The following RNF10 variants were observed in gnomAD, a reference collection of about 807,000 sequenced individuals.
RNF10 encodes ring finger protein 10, also known as E3 ubiquitin-protein ligase RNF10.
A neutral mutation model predicts 91.4 loss-of-function variants in RNF10; 38 were observed. The observed-to-expected ratio is 0.42, with a 90% CI of 0.32 to 0.54. The LOEUF is 0.54. Among genes scored for constraint, RNF10 ranks in the 20% least tolerant of loss-of-function variants. RNF10 has a pLI of 0.16. For missense variants in RNF10, 945 were observed against 1,012.0 expected, an observed-to-expected ratio of 0.93 and a Z score of 0.90; for synonymous variants, 364 against 366.3, an observed-to-expected ratio of 0.99 and a Z score of 0.07.
rs187223741 is a variant in RNF10, at chr12:120,573,487, C to T, written c.2143-2144C>T. Among the ~76,000 whole-genome samples the T allele has an allele frequency of 1.7e-4, 26 of 152,146 alleles. No individual in the cohort carries two copies. The East Asian group carries it at 3.1e-3, about 18-fold the overall frequency. The stretch of plus-strand genomic sequence containing the variant: ...TAAGACATAGGTGACATTTTGATTA[C>T]CTTTTAAGAGTAAAACAATTCACAT... On this transcript the variant is annotated intron_variant, in intron 14 of 16. Coordinates refer to ENST00000325954, the MANE Select transcript of RNF10 (RefSeq NM_014868.5).
At chr12:120,560,530 T>C (rs3817302) in intron 6 of RNF10, among the ~76,000 whole-genome samples, 196 bp from the exon 7 acceptor site, 71 of 152,238 alleles carry the variant, frequency 4.7e-4, no homozygotes, top group East Asian at 3.1e-3. Flanking sequence ...CATCTCTGGG[T>C]TTCTTAGATT....
chr12:120,555,345 C>T (rs1565955912), intron 4 of RNF10, among the ~76,000 whole-genome samples: 2 of 151,842 alleles, frequency 1.3e-5, no homozygotes, highest in Non-Finnish European at 2.9e-5. Context: ...CCACGCCTGG[C>T]TAATTTTTGT....
chr12:120,554,670 T>C (rs201909932), intron 3 of RNF10, 48 bp from the exon 4 acceptor site: 3 of 1,400,716 alleles, frequency 2.1e-6, no homozygotes, highest in East Asian at 4.6e-5. Flanking sequence ...TGAGGGTTTA[T>C]TGGTAGATCC....
chr12:120,567,687 C>G (rs1312324372), intron 13 of RNF10, among the ~76,000 whole-genome samples: 14 of 132,836 alleles, frequency 1.1e-4, no homozygotes, highest in African/African-American at 3.5e-4. Flanking sequence ...GGCGACAGAG[C>G]GAGACTTTGT....
intron 14 of RNF10, among the ~76,000 whole-genome samples, 157 bp downstream of exon 14, chr12:120,571,448 G>A (rs975086635): frequency 6.6e-6 from 1 of 152,118 alleles, no homozygotes; most frequent in African/African-American, 2.4e-5. Context: ...ACTGCCTGTC[G>A]GAGCTTTATG....
rs996714456 is a variant in RNF10, at chr12:120,564,032, C to T, written c.1665+89C>T. The T allele has an allele frequency of 5.6e-6, 8 of 1,426,904 alleles. No individual in the cohort carries two copies. The African/African-American group carries it at 7.1e-5, about 13-fold the overall frequency. 88.4% of individuals were successfully genotyped at this position (1,426,904 alleles called of 1,614,324 possible). ...GCCTAGCCATCCTAAGTTCACAAAC[C>T]TTCAAGGCCTTTAGTTTTTGTATTT... On this transcript the variant is annotated intron_variant, in intron 10 of 16. Coordinates refer to ENST00000325954, the MANE Select transcript of RNF10 (RefSeq NM_014868.5).
At chr12:120,539,541 C>G in intron 1 of RNF10, 1 of 615,324 alleles carries the variant, frequency 1.6e-6, no homozygotes, top group Non-Finnish European at 2.7e-6. Context: ...GACCTCTAGG[C>G]CGAGCCACCT....
Position 120,575,860 on chromosome 12 carries a change from C to G in RNF10, c.2269C>G (p.Pro757Ala). Residue 757 changes from proline to alanine, a missense_variant, in exon 16 of 17, where the codon CCT (proline) becomes GCT (alanine). By Grantham distance (27) the Pro-to-Ala change is conservative. Coordinates refer to ENST00000325954, the MANE Select transcript of RNF10 (RefSeq NM_014868.5). ...GGAGAGTGATAATTCAGACCGTGTT[C>G]CTGTGCCCAGTTTTCAAAATTCCTT... ...DGESDNSDRV[P>A]VPSFQNSFSQ... The G allele has an allele frequency of 1.2e-6, 2 of 1,614,200 alleles. No homozygotes were observed. The highest frequency in any genetic ancestry group is 8.5e-7 in the Non-Finnish European group (1 of 1,180,026).
chr12:120,551,908 G>T (rs946597791), intron 2 of RNF10, among the ~76,000 whole-genome samples: 1 of 152,090 alleles, frequency 6.6e-6, no homozygotes, highest in Non-Finnish European at 1.5e-5. Flanking sequence ...AGTTCTGCAG[G>T]CTGTACAGGA....
intron 8 of RNF10, 21 bp from the exon 9 acceptor site, chr12:120,563,326 A>G: frequency 1.9e-6 from 3 of 1,595,008 alleles, no homozygotes; most frequent in Non-Finnish European, 2.6e-6. Context: ...CTTTCTGTTG[A>G]CTTAGAGTTT....
intron 1 of RNF10, among the ~76,000 whole-genome samples, chr12:120,536,108 C>T (rs541725347): frequency 6.6e-6 from 1 of 152,206 alleles, no homozygotes; most frequent in South Asian, 2.1e-4. Flanking sequence ...CAGTTTAAAA[C>T]TTGTCAAGAT....
At chr12:120,563,705 T>G (rs1875258342) in intron 9 of RNF10, 82 bp downstream of exon 9, 2 of 1,576,102 alleles carry the variant, frequency 1.3e-6, no homozygotes, top group African/African-American at 1.3e-5. Flanking sequence ...GGAGCGCCAC[T>G]AGATCCTGTG....
intron 10 of RNF10, among the ~76,000 whole-genome samples, 178 bp from the exon 11 acceptor site, chr12:120,564,894 C>T (rs181953705): frequency 2.0e-5 from 3 of 152,322 alleles, no homozygotes; most frequent in Admixed American, 2.0e-4. Flanking sequence ...GCTTATTCCA[C>T]CTTGCTGTAG....
At position 120,563,570 on chromosome 12, in the gene RNF10, C is replaced by G; in HGVS notation, c.1478C>G (p.Thr493Ser). Residue 493 changes from threonine (T) to serine (S), a missense_variant, in exon 9 of 17, where the codon ACC (threonine) becomes AGC (serine). Coordinates refer to ENST00000325954, the MANE Select transcript of RNF10 (RefSeq NM_014868.5). The part of the protein sequence containing the change: ...CTESSQQEPI[T>S]KSGFTRLSSS... The stretch of plus-strand genomic sequence containing the variant: ...GAGTCCAGCCAGCAGGAACCCATCA[C>G]CAAGTCAGGCTTCACACGCCTCAGC... 1 of 1,613,394 alleles carries G rather than the reference C, an allele frequency of 6.2e-7. No individual in the cohort carries two copies. Among genetic ancestry groups the G allele is most frequent in the Non-Finnish European group, 8.5e-7 (1 of 1,179,626 alleles).
intron 2 of RNF10, among the ~76,000 whole-genome samples, chr12:120,549,483 T>C (rs1197749381): frequency 6.6e-6 from 1 of 151,954 alleles, no homozygotes; most frequent in Admixed American, 6.6e-5. Flanking sequence ...ACAGCAGATA[T>C]ATGAAGAAGT....
intron 14 of RNF10, among the ~76,000 whole-genome samples, chr12:120,571,826 A>AT (rs745702060): frequency 2.0e-5 from 3 of 152,108 alleles, no homozygotes; most frequent in Non-Finnish European, 4.4e-5. Flanking sequence ...AGAGGGGAAG[A>AT]TTGTCTTGGT....
intron 1 of RNF10, among the ~76,000 whole-genome samples, chr12:120,539,057 G>A (rs745662966): frequency 5.2e-4 from 79 of 152,234 alleles, no homozygotes; most frequent in South Asian, 8.3e-4. Context: ...TGACAGGAAC[G>A]CTTTGGATTT....
At chr12:120,567,022 C>T (rs572334710) in intron 13 of RNF10, 42 bp downstream of exon 13, 1 of 1,574,492 alleles carries the variant, frequency 6.4e-7, no homozygotes, top group South Asian at 1.2e-5. Flanking sequence ...TCAGTTAGAC[C>T]TTATGCAAAG....
At chr12:120,535,313 A>T in intron 1 of RNF10, 1 of 197,140 alleles carries the variant, frequency 5.1e-6, no homozygotes, top group Non-Finnish European at 1.0e-5. Context: ...TCCTAAAACC[A>T]CTAAGTTGTT....
Sources: allele counts gnomAD v4.1 joint callset (sites outside exome capture counted in the v4.1 genomes callset), GRCh38; gene constraint gnomAD v4.1.1; transcripts MANE v1.5; gene names NCBI Gene and HGNC (gene_info 2026-07-23, HGNC 2026-07-21).